The following GTPBP1 variants were observed in gnomAD, a reference collection of about 807,000 sequenced individuals.
GTPBP1 encodes GTP binding protein 1, also known as GTP-binding protein 1.
A neutral mutation model predicts 62.0 loss-of-function variants in GTPBP1; 23 were observed. The ratio of observed to expected loss-of-function variants is 0.37; its 90% CI spans 0.27 to 0.53. The LOEUF (loss-of-function observed/expected upper bound fraction) is 0.53, where lower values mean the gene tolerates loss of function less well. GTPBP1 is among the 20% of genes least tolerant of loss of function. The pLI is 0.89. For missense variants in GTPBP1, 640 were observed against 917.3 expected (o/e 0.70, Z 3.90); for synonymous variants, 344 against 364.4 (o/e 0.94, Z 0.64).
At chr22:38,712,061 A>G (rs1169447204) in intron 2 of GTPBP1, among the ~76,000 whole-genome samples, 6 of 151,890 alleles carry the variant, frequency 4.0e-5, no homozygotes, top group East Asian at 1.9e-4. Context: ...TTGTATTTTT[A>G]TTAGAGACGG....
rs895104699 is a variant in GTPBP1, at chr22:38,728,354, C to T, written c.1716+193C>T. The T allele has an allele frequency of 7.0e-6, 4 of 574,732 alleles. No individual in the cohort carries two copies. The African/African-American group carries it at 7.5e-5, about 11-fold the overall frequency. 35.6% of individuals were successfully genotyped at this position (574,732 alleles called of 1,614,324 possible). The stretch of plus-strand genomic sequence containing the variant: ...TCCTGTCCTGGGCAGTGGTGGTGAC[C>T]ATGGAGAGGAGAAGGTAGGGTTAGG... On this transcript the variant is annotated intron_variant, in intron 10 of 11. Coordinates refer to ENST00000216044, the MANE Select transcript of GTPBP1 (RefSeq NM_004286.5).
At chr22:38,722,326 AT>A (rs1254999516) in intron 5 of GTPBP1, among the ~76,000 whole-genome samples, 2 of 152,246 alleles carry the variant, frequency 1.3e-5, no homozygotes, top group Non-Finnish European at 1.5e-5. Context: ...GAAAGCTGTG[AT>A]CTTTGTTAGC....
rs887565741 is a variant in GTPBP1 at position 38,727,404 on chromosome 22, A to C, written c.1537+56A>C. 9.6e-6 allele frequency: 14 copies of C among 1,464,708 alleles called. No individual in the cohort carries two copies. The African/African-American group carries it at 1.4e-4, about 15-fold the overall frequency. The allele number at this position is 1,464,708 out of a possible 1,614,324, so 90.7% of individuals were successfully genotyped here. A position where few individuals can be genotyped will look rare whatever the true frequency, so the allele number is the denominator to read the frequency against. On this transcript the variant is annotated intron_variant, in intron 9 of 11. Coordinates refer to ENST00000216044, the MANE Select transcript of GTPBP1 (RefSeq NM_004286.5). The surrounding 1 kb of genome is among the most constrained non-coding windows in gnomAD (Gnocchi z 6.5). ...GGCCGTCGTGTTAGCTCCCCTCAGA[A>C]GGTGTTCCAGCAACCCAGGCCCCCT...
At chr22:38,724,570 C>T (rs2092717236) in intron 6 of GTPBP1, among the ~76,000 whole-genome samples, 159 bp downstream of exon 6, 1 of 152,100 alleles carries the variant, frequency 6.6e-6, no homozygotes, top group Non-Finnish European at 1.5e-5. Context: ...TAGAAGCTTC[C>T]AATCTTAGCG....
chr22:38,708,914 G>A lies in GTPBP1; in HGVS notation c.262G>A (p.Glu88Lys). 3 of 1,607,398 alleles carry A rather than the reference G, an allele frequency of 1.9e-6. No individual in the cohort carries two copies. The highest frequency in any genetic ancestry group is 2.6e-6 in the Non-Finnish European group (3 of 1,173,784). Residue 88 changes from glutamate to lysine, a missense_variant, in exon 2 of 12, where the codon GAG (glutamate) becomes AAG (lysine). Physicochemically the swap from Glu to Lys is moderately conservative, Grantham distance 56. This residue lies in a region of GTPBP1 where 215 missense variants were observed against 235.1 expected (regional missense o/e 0.91). Coordinates refer to ENST00000216044, the MANE Select transcript of GTPBP1 (RefSeq NM_004286.5). The part of the protein sequence containing the change: ...LLRQMWERMD[E>K]GCGETIYVIG... ...TCGGCAGATGTGGGAGAGGATGGAC[G>A]AGGGATGCGGAGAGACCATATATGT... is the stretch of plus-strand genomic sequence containing the variant.
downstream of GTPBP1, chr22:38,735,576 G>A (rs992895726): frequency 2.3e-5 from 5 of 222,056 alleles, no homozygotes; most frequent in African/African-American, 9.3e-5. Flanking sequence ...CCAGCAGAGG[G>A]GAAGCCTACA....
In GTPBP1 at chr22:38,716,820, T is replaced by C; in HGVS notation, c.654T>C (p.Phe218=). ...GTGTGGGCAACGACATTCTGGGCTT[T>C]GACAGTGAAGGCAATGTAGTGAACA... The part of the protein sequence containing the change: ...TSSVGNDILG[F]DSEGNVVNKP... Residue 218 remains phenylalanine, a synonymous_variant, in exon 4 of 12, where the codon TTT becomes TTC. Coordinates refer to ENST00000216044, the MANE Select transcript of GTPBP1 (RefSeq NM_004286.5). This position sits in a 1 kb window ranked among gnomAD's most constrained non-coding sequence, Gnocchi z 5.2. 6.2e-7 allele frequency: 1 copy of C among 1,614,200 alleles called. No homozygotes were observed. Among genetic ancestry groups the C allele is most frequent in the Non-Finnish European group, 8.5e-7 (1 of 1,180,030 alleles).
chr22:38,738,786 G>A (rs754097878), downstream of GTPBP1: 3 of 1,608,420 alleles, frequency 1.9e-6, no homozygotes, highest in Non-Finnish European at 2.6e-6. This position sits in a 1 kb window ranked among gnomAD's most constrained non-coding sequence, Gnocchi z 6.6. Flanking sequence ...TCAGGACAGG[G>A]CCCTGAGTCC....
chr22:38,733,697 A>G (rs1406728186), downstream of GTPBP1: 1 of 152,626 alleles, frequency 6.6e-6, no homozygotes, highest in Admixed American at 6.5e-5. Context: ...CTCCACAGTC[A>G]GGACTGTTCT....
At chr22:38,721,614 C>A in intron 4 of GTPBP1, 128 bp from the exon 5 acceptor site, 1 of 701,350 alleles carries the variant, frequency 1.4e-6, no homozygotes. Context: ...CCCACATCAT[C>A]GAGTCAGGGG....
intron 5 of GTPBP1, chr22:38,722,671 A>C: frequency 6.4e-7 from 1 of 1,552,524 alleles, no homozygotes; most frequent in Non-Finnish European, 8.8e-7. Context: ...AATCATCTAT[A>C]AAATGATAAA....
downstream of GTPBP1, chr22:38,742,358 G>A: frequency 6.2e-7 from 1 of 1,612,004 alleles, no homozygotes; most frequent in Non-Finnish European, 8.5e-7. Flanking sequence ...CTTCACGGCG[G>A]CTCACTAGCC....
Position 38,715,895 on chromosome 22 carries a change from T to G in GTPBP1, c.305-12T>G. 1.3e-6 allele frequency: 2 copies of G among 1,594,374 alleles called. No homozygotes were observed. Among genetic ancestry groups the G allele is most frequent in the Non-Finnish European group, 1.7e-6 (2 of 1,169,630 alleles). ...CTCCCTCTCCTGCTGATGTCTGGGC[T>G]CTTGTCACCAGATGGGACTGAGTAT... On this transcript the variant is annotated splice_polypyrimidine_tract_variant and intron_variant, in intron 2 of 11. Coordinates refer to ENST00000216044, the MANE Select transcript of GTPBP1 (RefSeq NM_004286.5).
chr22:38,727,855 G>A lies in GTPBP1; in HGVS notation c.1538-128G>A. The stretch of plus-strand genomic sequence containing the variant: ...CCAAGAACAGGCTTCACGGGGGTCT[G>A]TAGCCCCAGAGATAAGCCCCCACCC... On this transcript the variant is annotated intron_variant, in intron 9 of 11. Transcript: ENST00000216044. The surrounding 1 kb of genome is among the most constrained non-coding windows in gnomAD (Gnocchi z 6.5). 1 of 657,666 alleles carries A rather than the reference G, an allele frequency of 1.5e-6. No individual in the cohort carries two copies. The highest frequency in any genetic ancestry group is 2.7e-6 in the Non-Finnish European group (1 of 370,646). 40.7% of individuals were successfully genotyped at this position (657,666 alleles called of 1,614,324 possible).
downstream of GTPBP1, chr22:38,741,675 TC>T: frequency 1.9e-6 from 2 of 1,076,154 alleles, no homozygotes; most frequent in Non-Finnish European, 2.8e-6. Context: ...TCTGTTTGCT[TC>T]CAGAGCCCTG....
intron 4 of GTPBP1, 64 bp from the exon 5 acceptor site, chr22:38,721,678 T>C: frequency 6.5e-7 from 1 of 1,532,874 alleles, no homozygotes; most frequent in Non-Finnish European, 9.0e-7. Flanking sequence ...TTTGAGCCCC[T>C]GTGTCCACCC....
chr22:38,713,277 G>T (rs768822994), intron 2 of GTPBP1, among the ~76,000 whole-genome samples: 2 of 152,162 alleles, frequency 1.3e-5, no homozygotes, highest in African/African-American at 4.8e-5. Context: ...GAGGGAGTAC[G>T]GCACAAATGG....
chr22:38,726,476 T>A lies in GTPBP1; in HGVS notation c.1401+36T>A. On this transcript the variant is annotated intron_variant, in intron 8 of 11. Transcript: ENST00000216044. This position sits in a 1 kb window ranked among gnomAD's most constrained non-coding sequence, Gnocchi z 4.1. ...ATGATACTGAACGCTCCCCTCAGAC[T>A]CCATCATGCTAGGCTCTTGGCCAGA... The A allele has an allele frequency of 6.4e-7, 1 of 1,570,606 alleles. No individual in the cohort carries two copies. Among genetic ancestry groups the A allele is most frequent in the Non-Finnish European group, 8.7e-7 (1 of 1,144,368 alleles).
chr22:38,735,645 A>C (rs1228819804), downstream of GTPBP1: 2 of 173,006 alleles, frequency 1.2e-5, no homozygotes, highest in African/African-American at 4.8e-5. Context: ...GGGCACAAGA[A>C]GCCCCATGGC....
Sources: gnomAD v4.1 joint callset for allele counts (sites outside exome capture counted in the v4.1 genomes callset) on GRCh38, gnomAD v4.1.1 for gene constraint, gnomAD v4.1.1 regional missense constraint, Gnocchi (gnomAD v3.1) non-coding constraint, MANE v1.5 for transcripts, NCBI Gene and HGNC (gene_info 2026-07-23, HGNC 2026-07-21) for gene names.